Variants in CCSER1 observed in about 807,000 individuals in gnomAD.
CCSER1 encodes the protein coiled-coil serine rich protein 1.
In CCSER1, 41 loss-of-function variants were observed where a neutral mutation model predicts 82.0. The observed-to-expected ratio is 0.50, with a 90% CI of 0.39 to 0.65. The LOEUF is 0.65. CCSER1 is among the 30% of genes least tolerant of loss of function. The pLI is 0.00. For synonymous variants in CCSER1, 414 were observed against 383.9 expected, an observed-to-expected ratio of 1.08 and a Z score of -0.92; for missense variants, 1,119 against 1,064.2, an observed-to-expected ratio of 1.05 and a Z score of -0.72.
intron 9 of CCSER1, among the ~76,000 whole-genome samples, chr4:91,063,280 G>T (rs543560531): frequency 1.3e-5 from 2 of 152,086 alleles, no homozygotes; most frequent in African/African-American, 2.4e-5. Flanking sequence ...CTATAAATAT[G>T]GGATAATAAT....
chr4:91,476,598 T>G (rs1232940120), intron 10 of CCSER1, among the ~76,000 whole-genome samples: 1 of 151,416 alleles, frequency 6.6e-6, no homozygotes, highest in Non-Finnish European at 1.5e-5. Flanking sequence ...CCAAAGCAAT[T>G]TTGAGGAAAA....
At chr4:91,440,089 T>C (rs535014937) in intron 10 of CCSER1, among the ~76,000 whole-genome samples, 2 of 152,026 alleles carry the variant, frequency 1.3e-5, no homozygotes, top group Non-Finnish European at 2.9e-5. Flanking sequence ...ACCCAGGAAT[T>C]GAACTCAGCT....
At chr4:90,767,182 T>C (rs929278785) in intron 7 of CCSER1, among the ~76,000 whole-genome samples, 1 of 152,222 alleles carries the variant, frequency 6.6e-6, no homozygotes, top group African/African-American at 2.4e-5. Flanking sequence ...AGATATGGCA[T>C]AACAGATTCA....
intron 8 of CCSER1, among the ~76,000 whole-genome samples, chr4:90,840,244 T>A (rs1762412834): frequency 6.6e-6 from 1 of 152,092 alleles, no homozygotes; most frequent in Non-Finnish European, 1.5e-5. Flanking sequence ...TGTGTGTGGG[T>A]GGAGAAGAAT....
intron 10 of CCSER1, among the ~76,000 whole-genome samples, chr4:91,493,738 TTCA>T (rs1439846078): frequency 1.3e-5 from 2 of 151,720 alleles, no homozygotes; most frequent in African/African-American, 2.4e-5. Flanking sequence ...ATATTATAAT[TTCA>T]TCAACTCATG....
rs1419215896 is a variant in CCSER1, at chr4:90,400,111, CAG to C, written c.1588_1589del (p.Leu531SerfsTer40). On this transcript the variant is annotated frameshift_variant, in exon 4 of 11. Transcript: ENST00000509176. LOFTEE classifies it high-confidence loss of function. Reference protein sequence around the residue: ...LMLDLEFLEEQSLHPSVCRED... With the variant: ...LMLDLEFLEEXSLHPSVCRED... ...GCTTGATCTTGAATTTTTAGAGGAA[CAG>C]AGTCTTCACCCTTCTGGTAAGTGTT... The C allele has an allele frequency of 1.3e-6, 2 of 1,591,878 alleles. No homozygotes were observed. Among genetic ancestry groups the C allele is most frequent in the African/African-American group, 1.3e-5 (1 of 74,472 alleles).
intron 9 of CCSER1, among the ~76,000 whole-genome samples, chr4:91,038,183 G>GT (rs1741617941): frequency 6.6e-6 from 1 of 152,148 alleles, no homozygotes; most frequent in Admixed American, 6.6e-5. Flanking sequence ...TACATGAGCA[G>GT]TAAGTACTGA....
At chr4:91,234,844 T>C (rs1427178141) in intron 10 of CCSER1, among the ~76,000 whole-genome samples, 2 of 152,118 alleles carry the variant, frequency 1.3e-5, no homozygotes, top group Non-Finnish European at 2.9e-5. Context: ...CTAGACTTTT[T>C]AGCACACATC....
intron 1 of CCSER1, among the ~76,000 whole-genome samples, chr4:90,168,091 A>G (rs1730874436): frequency 1.3e-5 from 2 of 152,194 alleles, no homozygotes; most frequent in African/African-American, 2.4e-5. Flanking sequence ...AGTTCCACCA[A>G]AAGTGTAAAA....
chr4:90,886,156 A>G (rs1396580039), intron 8 of CCSER1, among the ~76,000 whole-genome samples: 1 of 152,178 alleles, frequency 6.6e-6, no homozygotes, highest in Non-Finnish European at 1.5e-5. Context: ...GAGGTTAGGC[A>G]TGCCTCTCAC....
intron 7 of CCSER1, among the ~76,000 whole-genome samples, chr4:90,800,786 C>G (rs1487577020): frequency 6.6e-6 from 1 of 152,112 alleles, no homozygotes; most frequent in Admixed American, 6.6e-5. Context: ...TTCTATGACC[C>G]TGGGAAATTT....
intron 1 of CCSER1, among the ~76,000 whole-genome samples, chr4:90,163,327 A>G (rs984236524): frequency 6.6e-6 from 1 of 152,264 alleles, no homozygotes; most frequent in Non-Finnish European, 1.5e-5. Context: ...GTAGAAATAG[A>G]ACGCCATTCT....
chr4:90,625,223 T>C (rs1424654123), intron 5 of CCSER1, among the ~76,000 whole-genome samples: 1 of 152,186 alleles, frequency 6.6e-6, no homozygotes, highest in Non-Finnish European at 1.5e-5. Flanking sequence ...GAGGAAAATA[T>C]GGCTTCGTAT....
At chr4:90,849,554 C>G (rs1369082378) in intron 8 of CCSER1, among the ~76,000 whole-genome samples, 1 of 152,010 alleles carries the variant, frequency 6.6e-6, no homozygotes, top group Non-Finnish European at 1.5e-5. Flanking sequence ...CTTTGGGAGG[C>G]TGAGGTGGGT....
chr4:90,835,250 G>C (rs1280764450), intron 8 of CCSER1, among the ~76,000 whole-genome samples: 1 of 152,160 alleles, frequency 6.6e-6, no homozygotes, highest in Non-Finnish European at 1.5e-5. Context: ...AGAATGGCGT[G>C]AACCCGGGAG....
chr4:91,317,620 G>A (rs1040714288), intron 10 of CCSER1, among the ~76,000 whole-genome samples: 3 of 150,800 alleles, frequency 2.0e-5, no homozygotes, highest in Non-Finnish European at 3.0e-5. Flanking sequence ...GTGTGTGTGC[G>A]CATGTGGGTG....
chr4:91,520,078 T>C (rs375686970), intron 10 of CCSER1, among the ~76,000 whole-genome samples: 3 of 152,346 alleles, frequency 2.0e-5, no homozygotes, highest in African/African-American at 7.2e-5. Flanking sequence ...TTTTATGTCT[T>C]TTCTGTTCCT....
chr4:91,065,581 TTTAC>T (rs1023344434), intron 9 of CCSER1, among the ~76,000 whole-genome samples: 1 of 152,118 alleles, frequency 6.6e-6, no homozygotes, highest in African/African-American at 2.4e-5. Flanking sequence ...GTAACACTTG[TTTAC>T]TTTTTAATGT....
At chr4:91,404,127 G>GTCCT (rs1230249866) in intron 10 of CCSER1, among the ~76,000 whole-genome samples, 1 of 152,130 alleles carries the variant, frequency 6.6e-6, no homozygotes, top group African/African-American at 2.4e-5. Flanking sequence ...AATCTTGGGA[G>GTCCT]GGTGTATGTG....
Sources: allele counts gnomAD v4.1 joint callset (sites outside exome capture counted in the v4.1 genomes callset), GRCh38; gene constraint gnomAD v4.1.1; transcripts MANE v1.5; gene names NCBI Gene and HGNC (gene_info 2026-07-23, HGNC 2026-07-21).